Variants in ATP11C observed in about 807,000 individuals in gnomAD.
ATP11C encodes the protein phospholipid-transporting ATPase IG.
In ATP11C, 36 loss-of-function variants were observed where a neutral mutation model predicts 97.4. The observed-to-expected ratio is 0.37, with a 90% CI of 0.28 to 0.49. ATP11C has a LOEUF of 0.49. ATP11C is among the 20% of genes least tolerant of loss of function. The probability of loss-of-function intolerance (pLI) is 0.98; values close to 1 mark genes in which losing one functional copy is unlikely to be tolerated. For synonymous variants in ATP11C, 275 were observed against 290.9 expected (o/e 0.95, Z 0.56); for missense variants, 730 against 824.6 (o/e 0.89, Z 1.40).
At chrX:139,855,516 G>C (rs1311644025) in intron 1 of ATP11C, among the ~76,000 whole-genome samples, 1 of 111,559 alleles carries the variant, frequency 9.0e-6, no homozygotes, top group East Asian at 2.8e-4. Flanking sequence ...CATCATACCC[G>C]AGTCAAGAAA....
chrX:139,920,687 A>G (rs1391947986), intron 1 of ATP11C, among the ~76,000 whole-genome samples: 1 of 112,189 alleles, frequency 8.9e-6, no homozygotes, highest in Non-Finnish European at 1.9e-5. Flanking sequence ...GAATTATCTC[A>G]GTTTTTAAAA....
chrX:139,832,409 T>C (rs1276490053), intron 1 of ATP11C: 3 of 754,856 alleles, frequency 4.0e-6, no homozygotes, highest in African/African-American at 2.1e-5. Context: ...AGCAGTACTC[T>C]GGCGGCCTTA....
At chrX:139,800,741 A>G (rs1354292697) in intron 7 of ATP11C, among the ~76,000 whole-genome samples, 1 of 112,076 alleles carries the variant, frequency 8.9e-6, no homozygotes, top group African/African-American at 3.2e-5. Flanking sequence ...CAATCACTTA[A>G]TATAATAGGT....
rs376810884 is a variant in ATP11C at position 139,802,256 on chromosome X, C to T, written c.639G>A (p.Gln213=). The T allele has an allele frequency of 8.3e-7, 1 of 1,205,243 alleles. No individual in the cohort carries two copies. Among genetic ancestry groups the T allele is most frequent in the Non-Finnish European group, 1.1e-6 (1 of 889,509 alleles). Reference sequence around the variant, plus strand: ...CTTACTTGTAGAGGTCAGGTTGAGGCTGTTCACATTCAATTGCTGCTCGGA... The same window carrying T: ...CTTACTTGTAGAGGTCAGGTTGAGGTTGTTCACATTCAATTGCTGCTCGGA... ...DTLRAAIECE[Q]PQPDLYKFVG... Residue 213 remains glutamine (Q), a synonymous_variant, in exon 7 of 30, where the codon CAG becomes CAA. Transcript: ENST00000682941.
intron 18 of ATP11C, among the ~76,000 whole-genome samples, chrX:139,776,256 C>T (rs2082346726): frequency 8.9e-6 from 1 of 112,032 alleles, no homozygotes; most frequent in Non-Finnish European, 1.9e-5. Context: ...AGTGGCTCTA[C>T]CCCTGCTGAA....
chrX:139,810,745 T>C (rs1468982741), intron 5 of ATP11C, among the ~76,000 whole-genome samples: 1 of 111,665 alleles, frequency 9.0e-6, no homozygotes, highest in African/African-American at 3.3e-5. Flanking sequence ...CCTCTTAGCA[T>C]TGTTCCTCAT....
chrX:139,920,724 G>C (rs757188260), intron 1 of ATP11C, among the ~76,000 whole-genome samples: 80 of 112,316 alleles, frequency 7.1e-4, no homozygotes, highest in African/African-American at 2.5e-3. Context: ...GAAAGAGAGA[G>C]AGCAATACCA....
chrX:139,761,167 A>T (rs1223525336), intron 22 of ATP11C, among the ~76,000 whole-genome samples: 2 of 110,666 alleles, frequency 1.8e-5, no homozygotes, highest in Non-Finnish European at 3.8e-5. Context: ...GCTACTCGGG[A>T]AGCTGAGGCA....
At chrX:139,849,741 A>T (rs1363377223) in intron 1 of ATP11C, among the ~76,000 whole-genome samples, 1 of 112,536 alleles carries the variant, frequency 8.9e-6, no homozygotes, top group Non-Finnish European at 1.9e-5. Context: ...CTCATGTTAA[A>T]ATTTAAATGC....
At chrX:139,899,968 C>T (rs1384355623) in intron 1 of ATP11C, among the ~76,000 whole-genome samples, 2 of 111,478 alleles carry the variant, frequency 1.8e-5, no homozygotes, top group Non-Finnish European at 3.8e-5. Flanking sequence ...GCGGCAAAAT[C>T]GGGGATGAGC....
rs1180690737 is a variant in ATP11C at position 139,774,873 on chromosome X, A to G, written c.2033T>C (p.Met678Thr). ...LKVWVLTGDK[M>T]ETAKSTCYAC... The stretch of plus-strand genomic sequence containing the variant: ...ATAGCATGTGGATTTAGCTGTCTCC[A>G]TCTTGTCCCCAGTGAGCACCCAGAC... Residue 678 changes from methionine (M) to threonine (T), a missense_variant, in exon 19 of 30, where the codon ATG becomes ACG. By Grantham distance (81) the Met-to-Thr change is moderately conservative (BLOSUM62 -1). Transcript: ENST00000682941. 33 of 1,210,111 alleles carry G rather than the reference A, an allele frequency of 2.7e-5. No homozygotes were observed. The highest frequency in any genetic ancestry group is 3.6e-5 in the Non-Finnish European group (32 of 895,289).
intron 5 of ATP11C, among the ~76,000 whole-genome samples, chrX:139,809,113 TA>T (rs776614747): frequency 5.4e-3 from 502 of 93,284 alleles, no homozygotes; most frequent in East Asian, 0.028. Flanking sequence ...ACTCTTGTCT[TA>T]AAAAAAAAAA....
chrX:139,862,749 T>C (rs1260803701), intron 1 of ATP11C, among the ~76,000 whole-genome samples: 1 of 111,469 alleles, frequency 9.0e-6, no homozygotes, highest in African/African-American at 3.3e-5. Context: ...AGAGTACAAA[T>C]CCAAATTGGC....
At chrX:139,821,378 T>C (rs956843767) in intron 2 of ATP11C, among the ~76,000 whole-genome samples, 1 of 112,303 alleles carries the variant, frequency 8.9e-6, no homozygotes, top group African/African-American at 3.2e-5. Context: ...ACTTTGAAGC[T>C]GACATAGTTC....
intron 1 of ATP11C, among the ~76,000 whole-genome samples, chrX:139,852,500 C>A: frequency 1.3e-5 from 1 of 77,457 alleles, no homozygotes; most frequent in Non-Finnish European, 2.5e-5. Flanking sequence ...AGCGACCTAG[C>A]TTAAAGGATC....
intron 1 of ATP11C, among the ~76,000 whole-genome samples, chrX:139,858,172 G>C (rs1362327407): frequency 8.9e-6 from 1 of 112,922 alleles, no homozygotes; most frequent in Non-Finnish European, 1.9e-5. Context: ...CCCGGCCTTT[G>C]AGAACGGTAA....
intron 1 of ATP11C, among the ~76,000 whole-genome samples, chrX:139,858,781 G>C (rs779315478): frequency 8.9e-6 from 1 of 112,241 alleles, no homozygotes; most frequent in East Asian, 2.8e-4. Flanking sequence ...TGATAGAGCT[G>C]ATTCATAGTG....
intron 29 of ATP11C, among the ~76,000 whole-genome samples, chrX:139,730,909 T>C (rs1014478527): frequency 8.1e-5 from 9 of 111,447 alleles, no homozygotes; most frequent in Non-Finnish European, 1.7e-4. Flanking sequence ...GGCGTATCAA[T>C]TCCTCCCAAA....
Position 139,787,358 on chromosome X carries a change from C to T in ATP11C, c.1521-114G>A, listed in dbSNP as rs762721408. Reference sequence around the variant, plus strand: ...TGTTGCCCAGGCTGGAGTGCAGTGGCGCGATCTCGGCTCACTGCAACCTTC... The same window carrying T: ...TGTTGCCCAGGCTGGAGTGCAGTGGTGCGATCTCGGCTCACTGCAACCTTC... On this transcript the variant is annotated intron_variant, in intron 14 of 29. Coordinates refer to ENST00000682941, the MANE Select transcript of ATP11C (RefSeq NM_001353812.2). 5.8e-5 allele frequency: 32 copies of T among 555,683 alleles called. No homozygotes were observed. The East Asian group carries it at 1.3e-3, about 22-fold the overall frequency. 45.8% of individuals were successfully genotyped at this position (555,683 alleles called of 1,213,427 possible).
Sources: gnomAD v4.1 joint callset for allele counts (sites outside exome capture counted in the v4.1 genomes callset) on GRCh38, gnomAD v4.1.1 for gene constraint, MANE v1.5 for transcripts, NCBI Gene and HGNC (gene_info 2026-07-23, HGNC 2026-07-21) for gene names.